Variants in GALNT14 observed in about 807,000 individuals in gnomAD.
GALNT14 encodes the protein UDP-GalNAc:polypeptide N-acetylgalactosaminyltransferase 14.
In GALNT14, 60 loss-of-function variants were observed where a neutral mutation model predicts 77.5. The ratio of observed to expected loss-of-function variants is 0.77; its 90% CI spans 0.63 to 0.96. The LOEUF (loss-of-function observed/expected upper bound fraction) is 0.96, where lower values mean the gene tolerates loss of function less well. GALNT14 is among the 40% of genes least tolerant of loss of function. The probability of loss-of-function intolerance (pLI) is 0.00; values close to 1 mark genes in which losing one functional copy is unlikely to be tolerated. For missense variants in GALNT14, 710 were observed against 731.0 expected (o/e 0.97, Z 0.33); for synonymous variants, 280 against 281.7 (o/e 0.99, Z 0.06).
intron 9 of GALNT14, among the ~76,000 whole-genome samples, chr2:30,940,606 G>A (rs1339676117): frequency 6.6e-6 from 1 of 152,222 alleles, no homozygotes; most frequent in Non-Finnish European, 1.5e-5. Flanking sequence ...GGATTCATCT[G>A]ATGGCTGAGA....
At chr2:30,967,260 G>A (rs1668068420) in intron 2 of GALNT14, among the ~76,000 whole-genome samples, 1 of 152,174 alleles carries the variant, frequency 6.6e-6, no homozygotes, top group Non-Finnish European at 1.5e-5. Context: ...TGCAAACTGT[G>A]TGTATAAATG....
intron 1 of GALNT14, among the ~76,000 whole-genome samples, chr2:31,085,256 G>A (rs575952799): frequency 5.3e-5 from 8 of 152,138 alleles, no homozygotes; most frequent in Non-Finnish European, 2.9e-5. Flanking sequence ...CCAGGCATTC[G>A]GAAAGGCAGG....
chr2:31,038,102 T>A (rs1237781692), intron 1 of GALNT14, among the ~76,000 whole-genome samples: 4 of 89,724 alleles, frequency 4.5e-5, no homozygotes, highest in Non-Finnish European at 6.7e-5. Context: ...TTTTTTTTTT[T>A]TTTTTTTTTT....
chr2:30,932,386 G>T (rs1219463620), intron 9 of GALNT14, among the ~76,000 whole-genome samples, 192 bp from the exon 10 acceptor site: 1 of 152,216 alleles, frequency 6.6e-6, no homozygotes, highest in African/African-American at 2.4e-5. Context: ...CACTTTGGAG[G>T]GTGGTATAAG....
At chr2:30,986,248 CA>C (rs531250577) in intron 2 of GALNT14, among the ~76,000 whole-genome samples, 174 of 152,340 alleles carry the variant, frequency 1.1e-3, no homozygotes, top group African/African-American at 4.0e-3. Flanking sequence ...AGAGGTGACC[CA>C]ATGAGGCTTC....
At position 30,955,969 on chromosome 2, in the gene GALNT14, A is replaced by G. The variant is rs1667344795; in HGVS notation, c.475T>C (p.Cys159Arg). 3.1e-6 allele frequency: 5 copies of G among 1,614,202 alleles called. No individual in the cohort carries two copies. Among genetic ancestry groups the G allele is most frequent in the Admixed American group, 1.7e-5 (1 of 60,036 alleles). The stretch of plus-strand genomic sequence containing the variant: ...TTGGGCAACTTGATGAGCTGTTTAC[A>G]GTCATCAGCTGCAAAGACAAAAGGT... ...VDDFSNDPDDCKQLIKLPKVK... is the reference protein window; with the variant it reads ...VDDFSNDPDDRKQLIKLPKVK... The change falls in exon 5 of 15, where the codon TGT (cysteine) becomes CGT (arginine). Residue 159 changes from cysteine to arginine, a missense_variant. Physicochemically the swap from Cys to Arg is radical, Grantham distance 180 (BLOSUM62 -3). Coordinates refer to ENST00000349752, the MANE Select transcript of GALNT14 (RefSeq NM_024572.4).
intron 1 of GALNT14, among the ~76,000 whole-genome samples, chr2:31,136,763 G>A (rs1679245596): frequency 6.6e-6 from 1 of 152,114 alleles, no homozygotes. Context: ...ACGACTTAAG[G>A]TACGTGACTT....
chr2:31,065,963 G>A (rs959874466), intron 1 of GALNT14, among the ~76,000 whole-genome samples: 1 of 152,102 alleles, frequency 6.6e-6, no homozygotes, highest in Non-Finnish European at 1.5e-5. Flanking sequence ...ACAGGCCTTC[G>A]AGTCAGGATT....
chr2:31,017,056 G>C (rs1671413934), intron 1 of GALNT14, among the ~76,000 whole-genome samples: 1 of 152,212 alleles, frequency 6.6e-6, no homozygotes, highest in African/African-American at 2.4e-5. Context: ...GGGTCTCAAA[G>C]CTAGCTATGG....
At chr2:30,899,887 C>T in the GALNT14 span, among the ~76,000 whole-genome samples, 14 of 152,324 alleles carry the variant, frequency 9.2e-5, no homozygotes, top group South Asian at 1.9e-3. Flanking sequence ...CCATCTGCCA[C>T]GTGGGGCGTC....
At chr2:31,031,225 A>T (rs1672390197) in intron 1 of GALNT14, among the ~76,000 whole-genome samples, 1 of 152,120 alleles carries the variant, frequency 6.6e-6, no homozygotes, top group Non-Finnish European at 1.5e-5. Context: ...ATGTCTTAGG[A>T]GTCCTGTCAG....
chr2:30,955,492 G>A, intron 6 of GALNT14, 126 bp downstream of exon 6: 1 of 1,289,036 alleles, frequency 7.8e-7, no homozygotes, highest in Non-Finnish European at 1.1e-6. Flanking sequence ...ATAAAATCGG[G>A]ACTGCGATCT....
intron 1 of GALNT14, among the ~76,000 whole-genome samples, chr2:31,046,622 GGAA>G (rs1673484169): frequency 6.6e-6 from 1 of 151,786 alleles, no homozygotes; most frequent in Admixed American, 6.6e-5. Flanking sequence ...TTATGTAGTT[GGAA>G]ACTTATGAAT....
chr2:30,898,054 A>G, the GALNT14 span, among the ~76,000 whole-genome samples: 4 of 152,280 alleles, frequency 2.6e-5, no homozygotes, highest in South Asian at 8.3e-4. Context: ...TGAGGGTGTT[A>G]AGGAGTGCAG....
At chr2:31,078,978 G>A (rs935717501) in intron 1 of GALNT14, 5 of 1,289,266 alleles carry the variant, frequency 3.9e-6, no homozygotes, top group Non-Finnish European at 4.0e-6. Flanking sequence ...TGCCTGGGAG[G>A]GAGAGCAGGG....
chr2:31,084,296 G>C (rs1676303431), intron 1 of GALNT14, among the ~76,000 whole-genome samples: 1 of 152,220 alleles, frequency 6.6e-6, no homozygotes, highest in Non-Finnish European at 1.5e-5. Context: ...ACGTGGTTTA[G>C]CGTGTTGGCT....
In GALNT14 at chr2:30,989,216, A is replaced by G. The variant is rs1286575079; in HGVS notation, c.299+3622T>C. ...TAAGAAGCCTGGATTGAGAAATGCT[A>G]TGACCGATGCTAAGGACCAGCACCC... On this transcript the variant is annotated intron_variant, in intron 2 of 14. Transcript: ENST00000349752. Among the ~76,000 whole-genome samples the G allele has an allele frequency of 3.0e-4, 45 of 152,144 alleles. 1 individual carries two copies. The highest frequency in any genetic ancestry group is 2.9e-3 in the Admixed American group (45 of 15,272).
chr2:30,955,134 A>G (rs1229300759), intron 6 of GALNT14, among the ~76,000 whole-genome samples: 1 of 152,168 alleles, frequency 6.6e-6, no homozygotes, highest in Non-Finnish European at 1.5e-5. Context: ...AGGGGCAAGG[A>G]ATTCAGGTCT....
chr2:31,129,631 C>T, intron 1 of GALNT14: 2 of 985,202 alleles, frequency 2.0e-6, no homozygotes, highest in Non-Finnish European at 2.4e-6. Context: ...CAGTGGCCAT[C>T]AAGGAATCTG....
Sources: allele counts gnomAD v4.1 joint callset (sites outside exome capture counted in the v4.1 genomes callset), GRCh38; gene constraint gnomAD v4.1.1; transcripts MANE v1.5; gene names NCBI Gene and HGNC (gene_info 2026-07-23, HGNC 2026-07-21).